Variants in MCMDC2 observed in about 807,000 individuals in gnomAD.
MCMDC2 encodes the protein minichromosome maintenance domain-containing protein 2.
A neutral mutation model predicts 75.8 loss-of-function variants in MCMDC2; 54 were observed. The observed-to-expected ratio is 0.71, with a 90% CI of 0.57 to 0.89. The LOEUF is 0.89. MCMDC2 is among the 40% of genes least tolerant of loss of function. The probability of loss-of-function intolerance (pLI) is 0.00; values close to 1 mark genes in which losing one functional copy is unlikely to be tolerated. For missense variants in MCMDC2, 656 were observed against 780.4 expected (o/e 0.84, Z 1.90); for synonymous variants, 249 against 274.6 (o/e 0.91, Z 0.92).
chr8:66,902,595 G>A (rs760199649), intron 13 of MCMDC2, among the ~76,000 whole-genome samples: 6 of 150,258 alleles, frequency 4.0e-5, no homozygotes, highest in Non-Finnish European at 8.9e-5. Context: ...TCATGAGGCT[G>A]AGGCAGGAGA....
At chr8:66,924,391 C>T (rs2130885080), downstream of MCMDC2, among the ~76,000 whole-genome samples, 1 of 152,102 alleles carries the variant, frequency 6.6e-6, no homozygotes, top group East Asian at 1.9e-4. Context: ...CTTTGAGAGG[C>T]CTAGGCGGGT....
intron 7 of MCMDC2, 24 bp from the exon 8 acceptor site, chr8:66,880,825 T>A (rs942719479): frequency 5.3e-6 from 8 of 1,506,052 alleles, no homozygotes; most frequent in Non-Finnish European, 7.1e-6. Context: ...AATATGTATT[T>A]TCTTCTGTCT....
chr8:66,923,213 C>T (rs1331256260), downstream of MCMDC2, among the ~76,000 whole-genome samples: 1 of 152,102 alleles, frequency 6.6e-6, no homozygotes, highest in Non-Finnish European at 1.5e-5. Context: ...AACATTATAA[C>T]GGCAAACCTA....
intron 13 of MCMDC2, among the ~76,000 whole-genome samples, chr8:66,904,150 T>G (rs1812813186): frequency 6.6e-6 from 1 of 152,166 alleles, no homozygotes; most frequent in African/African-American, 2.4e-5. Flanking sequence ...AAAATGCTAG[T>G]TATGCCTTAT....
chr8:66,885,204 G>T (rs143522365), intron 9 of MCMDC2, among the ~76,000 whole-genome samples: 2,606 of 151,658 alleles, frequency 0.017, 65 homozygotes, highest in African/African-American at 0.058. Flanking sequence ...GTGGTGGCAC[G>T]CGCCTGTAGT....
At position 66,878,652 on chromosome 8, in the gene MCMDC2, G is replaced by A. The variant is rs750809439; in HGVS notation, c.560G>A (p.Cys187Tyr). The A allele has an allele frequency of 1.4e-5, 22 of 1,572,168 alleles. No individual in the cohort carries two copies. The highest frequency in any genetic ancestry group is 1.9e-5 in the Non-Finnish European group (22 of 1,166,462). ...TIRNDFLCNL[C>Y]ASSLQEDRKF... ...AGAAATGACTTTTTGTGTAATCTATGTGCATCTTCACTTCAAGAAGACAGA... is the reference window on the plus strand; with the variant it reads ...AGAAATGACTTTTTGTGTAATCTATATGCATCTTCACTTCAAGAAGACAGA... The change falls in exon 6 of 15, where the codon TGT (cysteine) becomes TAT (tyrosine). Residue 187 changes from cysteine to tyrosine, a missense_variant. Transcript: ENST00000422365.
Position 66,874,208 on chromosome 8 carries a change from T to C in MCMDC2, c.68T>C (p.Phe23Ser). 6.2e-7 allele frequency: 1 copy of C among 1,611,496 alleles called. No individual in the cohort carries two copies. The highest frequency in any genetic ancestry group is 2.2e-5 in the East Asian group (1 of 44,818). ...GACAGAAGTGGAGGCCTCCAAAAGT[T>C]TATAGATGATTGCAAGTACTACAAT... Reference protein sequence around the residue: ...YLDRSGGLQKFIDDCKYYNDS... With the variant: ...YLDRSGGLQKSIDDCKYYNDS... Residue 23 changes from phenylalanine to serine, a missense_variant, in exon 2 of 15, where the codon TTT becomes TCT. By Grantham distance (155) the Phe-to-Ser change is radical (BLOSUM62 -2). Coordinates refer to ENST00000422365, the MANE Select transcript of MCMDC2 (RefSeq NM_173518.5).
intron 12 of MCMDC2, among the ~76,000 whole-genome samples, chr8:66,900,144 TAAATA>T (rs1182455944): frequency 6.7e-6 from 1 of 149,986 alleles, no homozygotes; most frequent in Non-Finnish European, 1.5e-5. Flanking sequence ...CAAAAATAAA[TAAATA>T]AAATAGGCTA....
At chr8:66,902,047 G>A (rs1812690812) in intron 13 of MCMDC2, among the ~76,000 whole-genome samples, 1 of 151,836 alleles carries the variant, frequency 6.6e-6, no homozygotes, top group Non-Finnish European at 1.5e-5. Flanking sequence ...CCAGCCTCAG[G>A]GCTGGGTGCA....
Position 66,896,322 on chromosome 8 carries a change from C to T in MCMDC2, c.1432C>T (p.Leu478=). The part of the protein sequence containing the change: ...SRRNAQKINT[L]IGQMDCSLIP... The stretch of plus-strand genomic sequence containing the variant: ...GAGAAATGCACAGAAAATCAACACT[C>T]TAATTGGTCAGATGGTAAGGTATAT... Residue 478 remains leucine (L), a synonymous_variant, in exon 11 of 15, where the codon CTA becomes TTA. Transcript: ENST00000422365. 6.2e-7 allele frequency: 1 copy of T among 1,606,528 alleles called. No homozygotes were observed. Among genetic ancestry groups the T allele is most frequent in the Non-Finnish European group, 8.5e-7 (1 of 1,178,466 alleles).
At chr8:66,883,658 C>A in intron 8 of MCMDC2, 99 bp from the exon 9 acceptor site, 2 of 670,026 alleles carry the variant, frequency 3.0e-6, no homozygotes, top group Non-Finnish European at 5.1e-6. Flanking sequence ...ATTATTGGAA[C>A]TATAATTTGA....
Position 66,921,986 on chromosome 8 carries a change from T to C in MCMDC2, c.*2817T>C, listed in dbSNP as rs1234744793. The C allele has an allele frequency of 2.0e-5, 3 of 152,722 alleles. No individual in the cohort carries two copies. Among genetic ancestry groups the C allele is most frequent in the Admixed American group, 6.5e-5 (1 of 15,330 alleles). The allele number at this position is 152,722 out of a possible 1,614,324, so 9.5% of individuals were successfully genotyped here. A position where few individuals can be genotyped will look rare whatever the true frequency, so the allele number is the denominator to read the frequency against. On this transcript the variant is annotated 3_prime_UTR_variant, in exon 15 of 15. Transcript: ENST00000422365. ...TCAGCAATTAAAAGTTAGCCAAATA[T>C]GTATTTTTCTCCATAATTTATTGTG...
chr8:66,888,768 A>G (rs1811959395), intron 9 of MCMDC2, among the ~76,000 whole-genome samples: 1 of 152,192 alleles, frequency 6.6e-6, no homozygotes, highest in Non-Finnish European at 1.5e-5. Context: ...GCCAGTTCCA[A>G]TGTGTAGCCA....
Position 66,896,763 on chromosome 8 carries a change from C to T in MCMDC2, c.1447-17C>T. 1 of 1,554,512 alleles carries T rather than the reference C, an allele frequency of 6.4e-7. No individual in the cohort carries two copies. Among genetic ancestry groups the T allele is most frequent in the Non-Finnish European group, 8.7e-7 (1 of 1,152,738 alleles). Reference sequence around the variant, plus strand: ...ACAAAGTTTAATGTTTGCCTGTTACCTTTTGGTTTGATGTAGGATTGCAGT... The same window carrying T: ...ACAAAGTTTAATGTTTGCCTGTTACTTTTTGGTTTGATGTAGGATTGCAGT... On this transcript the variant is annotated splice_polypyrimidine_tract_variant and intron_variant, in intron 11 of 14. Coordinates refer to ENST00000422365, the MANE Select transcript of MCMDC2 (RefSeq NM_173518.5).
intron 5 of MCMDC2, among the ~76,000 whole-genome samples, chr8:66,878,283 A>T (rs1251839084): frequency 6.6e-6 from 1 of 152,222 alleles, no homozygotes; most frequent in Non-Finnish European, 1.5e-5. Context: ...TCTCACTGCC[A>T]CATATAGAAA....
At chr8:66,909,197 T>G (rs1813014894) in intron 14 of MCMDC2, among the ~76,000 whole-genome samples, 1 of 152,328 alleles carries the variant, frequency 6.6e-6, no homozygotes, top group South Asian at 2.1e-4. Context: ...TCTGCCATGA[T>G]TGTAAGTTTC....
Position 66,919,183 on chromosome 8 carries a change from T to C in MCMDC2, c.*14T>C. ...AGTGATGAATAAGCAATTTGAGGAA[T>C]TTTTGTTCATTCCTACTTAAGCAGT... On this transcript the variant is annotated 3_prime_UTR_variant, in exon 15 of 15. Coordinates refer to ENST00000422365, the MANE Select transcript of MCMDC2 (RefSeq NM_173518.5). 1 of 1,531,950 alleles carries C rather than the reference T, an allele frequency of 6.5e-7. No homozygotes were observed. The highest frequency in any genetic ancestry group is 8.8e-7 in the Non-Finnish European group (1 of 1,139,954). The allele number at this position is 1,531,950 out of a possible 1,614,324, so 94.9% of individuals were successfully genotyped here.
chr8:66,904,847 A>ATCTTG (rs1189990107), intron 13 of MCMDC2, among the ~76,000 whole-genome samples: 1 of 152,226 alleles, frequency 6.6e-6, no homozygotes, highest in Non-Finnish European at 1.5e-5. Context: ...GAAATTGCAA[A>ATCTTG]CAAAAATCTT....
intron 14 of MCMDC2, among the ~76,000 whole-genome samples, chr8:66,915,453 A>G (rs1047314558): frequency 7.0e-6 from 1 of 141,908 alleles, no homozygotes; most frequent in African/African-American, 2.6e-5. Flanking sequence ...CTCCGTCTCA[A>G]AAAAAAAAAA....
Sources: gnomAD v4.1 joint callset for allele counts (sites outside exome capture counted in the v4.1 genomes callset) on GRCh38, gnomAD v4.1.1 for gene constraint, MANE v1.5 for transcripts, NCBI Gene and HGNC (gene_info 2026-07-23, HGNC 2026-07-21) for gene names.